Variants in UGGT2 observed in about 807,000 individuals in gnomAD.
UGGT2 encodes the protein UDP-glucose:glycoprotein glucosyltransferase 2.
A neutral mutation model predicts 192.1 loss-of-function variants in UGGT2; 180 were observed. That is an observed-to-expected ratio of 0.94 (90% confidence interval 0.83 to 1.06). The LOEUF (loss-of-function observed/expected upper bound fraction) is 1.06, where lower values mean the gene tolerates loss of function less well. Ranked by LOEUF, UGGT2 falls within the 50% of genes least tolerant of loss-of-function variation. The probability of loss-of-function intolerance (pLI) is 0.00; values close to 1 mark genes in which losing one functional copy is unlikely to be tolerated. For missense variants in UGGT2, 1,849 were observed against 1,795.7 expected (o/e 1.03, Z -0.54); for synonymous variants, 580 against 591.0 (o/e 0.98, Z 0.27).
chr13:95,841,682 A>C (rs1483957200), intron 36 of UGGT2, among the ~76,000 whole-genome samples: 3 of 152,218 alleles, frequency 2.0e-5, no homozygotes, highest in Non-Finnish European at 4.4e-5. Context: ...TAAAGCATAC[A>C]AGTCTTTAAA....
intron 4 of UGGT2, among the ~76,000 whole-genome samples, chr13:96,021,517 T>C (rs2052515288): frequency 6.6e-6 from 1 of 152,114 alleles, no homozygotes; most frequent in Admixed American, 6.5e-5. Context: ...TTTACGAAAG[T>C]AGAATGACCG....
intron 2 of UGGT2, among the ~76,000 whole-genome samples, chr13:96,025,280 T>C (rs761237171): frequency 6.6e-6 from 1 of 152,138 alleles, no homozygotes; most frequent in South Asian, 2.1e-4. Context: ...CCCAGTCCCA[T>C]GGTCCAATTA....
intron 24 of UGGT2, among the ~76,000 whole-genome samples, chr13:95,891,602 T>A (rs1385535465): frequency 6.6e-6 from 1 of 152,164 alleles, no homozygotes; most frequent in East Asian, 1.9e-4. Flanking sequence ...CAATTCTACA[T>A]TTAATATAAT....
chr13:95,860,219 T>C (rs770852737), intron 32 of UGGT2, among the ~76,000 whole-genome samples: 13 of 151,686 alleles, frequency 8.6e-5, no homozygotes, highest in Non-Finnish European at 1.3e-4. Context: ...CTTTTGTACT[T>C]TGCAATATGC....
chr13:96,036,211 T>C lies in UGGT2; in HGVS notation c.159-4240A>G, dbSNP rs561310627. Among the ~76,000 whole-genome samples the C allele has an allele frequency of 3.3e-5, 5 of 152,292 alleles. 1 individual carries two copies. Among genetic ancestry groups the C allele is most frequent in the East Asian group, 1.9e-4 (1 of 5,184 alleles). On this transcript the variant is annotated intron_variant, in intron 1 of 38. Transcript: ENST00000376747. ...AATGTGGTATATATACACTACAGAA[T>C]ACTATGCAGCCATAAAAATGAACAA...
intron 4 of UGGT2, among the ~76,000 whole-genome samples, chr13:96,021,776 T>C (rs2052522625): frequency 6.6e-6 from 1 of 152,152 alleles, no homozygotes; most frequent in Non-Finnish European, 1.5e-5. Context: ...AAATAATTGA[T>C]AAAATAAAGC....
chr13:95,982,140 C>A (rs1200736766), intron 10 of UGGT2, among the ~76,000 whole-genome samples: 1 of 152,172 alleles, frequency 6.6e-6, no homozygotes, highest in Non-Finnish European at 1.5e-5. Context: ...CCTGAGTAAG[C>A]TGGCATACTC....
At chr13:95,931,549 G>A (rs552639843) in intron 17 of UGGT2, among the ~76,000 whole-genome samples, 447 of 151,836 alleles carry the variant, frequency 2.9e-3, no homozygotes, top group Non-Finnish European at 5.2e-3. Flanking sequence ...GCAGGGTGGG[G>A]TGGGGTGGGG....
At chr13:95,909,549 C>A (rs2048407487) in intron 20 of UGGT2, among the ~76,000 whole-genome samples, 1 of 129,264 alleles carries the variant, frequency 7.7e-6, no homozygotes, top group Admixed American at 9.5e-5. Context: ...GGGAATTGAA[C>A]AATGAGATCA....
At chr13:95,856,540 T>A (rs1399292046) in intron 33 of UGGT2, 200 bp from the exon 34 acceptor site, 11 of 535,006 alleles carry the variant, frequency 2.1e-5, no homozygotes, top group Non-Finnish European at 3.5e-5. Context: ...CAAGTATAAA[T>A]AAAACTATAT....
At chr13:95,932,663 G>T (rs1325782111) in intron 17 of UGGT2, among the ~76,000 whole-genome samples, 2 of 152,090 alleles carry the variant, frequency 1.3e-5, no homozygotes, top group Non-Finnish European at 2.9e-5. Context: ...TCCTTTTCCT[G>T]TTCCAGTCCT....
At position 95,895,289 on chromosome 13, in the gene UGGT2, C is replaced by T; in HGVS notation, c.2650G>A (p.Asp884Asn). ...AAATCTTCTGCATAAAAATCTTCAT[C>T]TAAAGGTCCTAAGAACTTAAAATAA... ...VSNGRFLGPL[D>N]EDFYAEDFYL... The change falls in exon 23 of 39, where the codon GAT becomes AAT. Residue 884 changes from aspartate (D) to asparagine (N), a missense_variant. Physicochemically the swap from Asp to Asn is conservative, Grantham distance 23. Coordinates refer to ENST00000376747, the MANE Select transcript of UGGT2 (RefSeq NM_020121.4). 6.8e-7 allele frequency: 1 copy of T among 1,472,476 alleles called. No individual in the cohort carries two copies. 91.2% of individuals were successfully genotyped at this position (1,472,476 alleles called of 1,614,324 possible). A position where few individuals can be genotyped will look rare whatever the true frequency, so the allele number is the denominator to read the frequency against.
At chr13:95,810,802 ACAT>A (rs1455085452) in intron 38 of UGGT2, among the ~76,000 whole-genome samples, 3 of 152,226 alleles carry the variant, frequency 2.0e-5, no homozygotes, top group African/African-American at 7.2e-5. Flanking sequence ...ACCACAGAGG[ACAT>A]CATCAAGAAA....
At chr13:96,016,194 C>T (rs529771468) in intron 4 of UGGT2, among the ~76,000 whole-genome samples, 2 of 152,194 alleles carry the variant, frequency 1.3e-5, no homozygotes, top group African/African-American at 4.8e-5. Context: ...GGAAGCAGAA[C>T]ATAAAAGTTT....
chr13:95,849,130 T>C (rs1322936827), intron 36 of UGGT2, among the ~76,000 whole-genome samples: 1 of 152,134 alleles, frequency 6.6e-6, no homozygotes, highest in Non-Finnish European at 1.5e-5. Context: ...TTCTTAAATC[T>C]ACATCAGGCA....
intron 38 of UGGT2, among the ~76,000 whole-genome samples, chr13:95,806,308 G>C (rs1473051639): frequency 1.3e-5 from 2 of 152,176 alleles, no homozygotes; most frequent in Non-Finnish European, 2.9e-5. Flanking sequence ...AAGTGGGGCA[G>C]TCCTGCAGGC....
intron 30 of UGGT2, among the ~76,000 whole-genome samples, chr13:95,865,964 T>G (rs2140106804): frequency 6.6e-6 from 1 of 152,290 alleles, no homozygotes; most frequent in East Asian, 1.9e-4. Flanking sequence ...CCGTCCAAGG[T>G]CACACAGCTA....
chr13:95,974,239 C>G (rs1376742498), intron 10 of UGGT2, among the ~76,000 whole-genome samples: 1 of 152,176 alleles, frequency 6.6e-6, no homozygotes, highest in Non-Finnish European at 1.5e-5. Context: ...TTGTCTTTAG[C>G]TACTTTAGAT....
intron 38 of UGGT2, among the ~76,000 whole-genome samples, chr13:95,806,905 T>C (rs1038277787): frequency 1.3e-5 from 2 of 152,120 alleles, no homozygotes; most frequent in African/African-American, 2.4e-5. Context: ...AAAATCTAAG[T>C]ATAAGACCTA....
Sources: gnomAD v4.1 joint callset for allele counts (sites outside exome capture counted in the v4.1 genomes callset) on GRCh38, gnomAD v4.1.1 for gene constraint, MANE v1.5 for transcripts, NCBI Gene and HGNC (gene_info 2026-07-23, HGNC 2026-07-21) for gene names.